WWOX: variants seen among roughly 807,000 people sequenced by gnomAD.
WWOX encodes the protein WW domain-containing oxidoreductase.
WWOX carries 69 observed loss-of-function variants against 46.2 expected under a neutral mutation model. The observed-to-expected ratio is 1.49, with a 90% CI of 1.23 to 1.82. The LOEUF (loss-of-function observed/expected upper bound fraction) is 1.82. WWOX is among the 40% of genes most tolerant of loss of function. The probability of loss-of-function intolerance (pLI) is 0.00; values close to 1 mark genes in which losing one functional copy is unlikely to be tolerated. For missense variants in WWOX, 919 were observed against 542.6 expected (o/e 1.69, Z -6.89); for synonymous variants, 359 against 202.6 (o/e 1.77, Z -6.56).
chr16:78,678,042 C>T (rs893220997), intron 8 of WWOX, among the ~76,000 whole-genome samples: 1 of 152,184 alleles, frequency 6.6e-6, no homozygotes, highest in African/African-American at 2.4e-5. Context: ...TTATTTTTCT[C>T]CTTAGCAGAC....
At chr16:78,714,186 A>G (rs1184428463) in intron 8 of WWOX, among the ~76,000 whole-genome samples, 1 of 152,206 alleles carries the variant, frequency 6.6e-6, no homozygotes, top group Admixed American at 6.5e-5. Flanking sequence ...GTCCTATATT[A>G]GTCTATTCTC....
chr16:78,586,590 G>T (rs1005308044), intron 8 of WWOX, among the ~76,000 whole-genome samples: 1 of 152,152 alleles, frequency 6.6e-6, no homozygotes, highest in Non-Finnish European at 1.5e-5. Flanking sequence ...TGGTGACTCA[G>T]ATTAAGAAAC....
At chr16:78,517,609 C>G (rs1252818964) in intron 8 of WWOX, among the ~76,000 whole-genome samples, 2 of 152,020 alleles carry the variant, frequency 1.3e-5, no homozygotes, top group East Asian at 1.9e-4. Flanking sequence ...TGAAGTATCC[C>G]TCTGCGTCGC....
chr16:78,720,639 C>T (rs1162986642), intron 8 of WWOX, among the ~76,000 whole-genome samples: 1 of 151,956 alleles, frequency 6.6e-6, no homozygotes, highest in Non-Finnish European at 1.5e-5. Context: ...ACATTCTTGA[C>T]CCTTGAATTG....
chr16:78,401,251 A>G (rs2082406155), intron 6 of WWOX, among the ~76,000 whole-genome samples: 2 of 151,044 alleles, frequency 1.3e-5, no homozygotes, highest in African/African-American at 4.9e-5. Context: ...CATTTTCCAT[A>G]ATTTAGTGAA....
chr16:78,446,136 T>G (rs1388465265), intron 8 of WWOX, among the ~76,000 whole-genome samples: 1 of 152,176 alleles, frequency 6.6e-6, no homozygotes, highest in African/African-American at 2.4e-5. Context: ...AAGGTATCAG[T>G]AGGGATCATT....
chr16:78,481,587 C>T (rs188564037), intron 8 of WWOX, among the ~76,000 whole-genome samples: 23 of 151,530 alleles, frequency 1.5e-4, no homozygotes, highest in Admixed American at 1.4e-3. Flanking sequence ...TTTTCAAGTA[C>T]ATCCTGATAT....
At chr16:78,678,740 C>A (rs1031553844) in intron 8 of WWOX, among the ~76,000 whole-genome samples, 5 of 152,080 alleles carry the variant, frequency 3.3e-5, no homozygotes, top group African/African-American at 1.2e-4. Context: ...AAGGGAGGAA[C>A]GATAGGAAAC....
intron 8 of WWOX, among the ~76,000 whole-genome samples, chr16:79,158,857 A>G (rs1219450892): frequency 1.3e-5 from 2 of 152,174 alleles, no homozygotes; most frequent in Non-Finnish European, 2.9e-5. Context: ...ACTAGAACTC[A>G]AGTTTGTGAC....
intron 5 of WWOX, among the ~76,000 whole-genome samples, chr16:78,301,199 C>G (rs1481247591): frequency 6.6e-6 from 1 of 152,156 alleles, no homozygotes; most frequent in Non-Finnish European, 1.5e-5. Context: ...AAAATAATAC[C>G]TAGTCCATAA....
At chr16:78,522,156 A>C (rs562725470) in intron 8 of WWOX, among the ~76,000 whole-genome samples, 1 of 151,976 alleles carries the variant, frequency 6.6e-6, no homozygotes, top group African/African-American at 2.4e-5. Flanking sequence ...AAAAAAAAAA[A>C]AAAAACTTCA....
intron 8 of WWOX, among the ~76,000 whole-genome samples, chr16:79,073,093 C>G (rs776569972): frequency 1.3e-5 from 2 of 151,648 alleles, no homozygotes; most frequent in African/African-American, 2.4e-5. Context: ...TCTAGAAATC[C>G]TCATTATGGT....
intron 8 of WWOX, chr16:79,017,435 A>G (rs2047439045): frequency 3.1e-5 from 4 of 127,820 alleles, no homozygotes; most frequent in Non-Finnish European, 6.2e-5. Flanking sequence ...ATCTCAAAAA[A>G]AAAAAAAAAA....
intron 8 of WWOX, among the ~76,000 whole-genome samples, chr16:78,517,773 G>C (rs1305765562): frequency 1.3e-5 from 2 of 150,194 alleles, no homozygotes; most frequent in Admixed American, 6.6e-5. Context: ...TTGGCTTTGA[G>C]GTTTATTTCC....
intron 5 of WWOX, among the ~76,000 whole-genome samples, chr16:78,366,895 C>A (rs1009672891): frequency 6.6e-6 from 1 of 151,058 alleles, no homozygotes; most frequent in Non-Finnish European, 1.5e-5. Context: ...CTTGCTTAAT[C>A]CAAAGCCTGG....
intron 8 of WWOX, among the ~76,000 whole-genome samples, chr16:78,461,071 G>C (rs1037888072): frequency 6.6e-6 from 1 of 152,174 alleles, no homozygotes; most frequent in Non-Finnish European, 1.5e-5. Context: ...GACTATTACT[G>C]TGTTGCTTTG....
chr16:79,004,999 AAG>A (rs1290526299), intron 8 of WWOX, among the ~76,000 whole-genome samples: 3 of 152,148 alleles, frequency 2.0e-5, no homozygotes, highest in African/African-American at 7.2e-5. Context: ...ATAAATGAAA[AAG>A]GGGAAGGGAG....
intron 8 of WWOX, among the ~76,000 whole-genome samples, chr16:78,903,257 A>G (rs2044874319): frequency 6.6e-6 from 1 of 152,200 alleles, no homozygotes; most frequent in South Asian, 2.1e-4. Context: ...GCAGAAAGCA[A>G]CCAATCAGAG....
intron 8 of WWOX, among the ~76,000 whole-genome samples, chr16:78,681,227 C>T (rs28613685): frequency 1.3e-5 from 2 of 151,888 alleles, no homozygotes; most frequent in South Asian, 2.1e-4. Context: ...GGCAACAGAG[C>T]AAGACTGTCT....
Sources: gnomAD v4.1 joint callset for allele counts (sites outside exome capture counted in the v4.1 genomes callset) on GRCh38, gnomAD v4.1.1 for gene constraint, MANE v1.5 for transcripts, NCBI Gene and HGNC (gene_info 2026-07-23, HGNC 2026-07-21) for gene names.